The following DCLK1 variants were observed in gnomAD, a reference collection of about 807,000 sequenced individuals.
DCLK1 encodes the protein doublecortin like kinase 1.
In DCLK1, 16 loss-of-function variants were observed where a neutral mutation model predicts 86.2. The ratio of observed to expected loss-of-function variants is 0.19; its 90% CI spans 0.13 to 0.28. The LOEUF is 0.28. Ranked by LOEUF, DCLK1 falls within the 10% of genes least tolerant of loss-of-function variation. DCLK1 has a pLI of 1.00. For synonymous variants in DCLK1, 369 were observed against 370.5 expected, an observed-to-expected ratio of 1.00 and a Z score of 0.05; for missense variants, 590 against 940.2, an observed-to-expected ratio of 0.63 and a Z score of 4.87.
intron 3 of DCLK1, among the ~76,000 whole-genome samples, chr13:36,047,450 T>C (rs1373729417): frequency 1.3e-5 from 2 of 152,144 alleles, no homozygotes; most frequent in South Asian, 2.1e-4. Flanking sequence ...GATAGATACA[T>C]GGGTTAAAAA....
chr13:35,876,889 G>C (rs1872622819), intron 4 of DCLK1, among the ~76,000 whole-genome samples: 1 of 152,152 alleles, frequency 6.6e-6, no homozygotes, highest in Admixed American at 6.5e-5. Context: ...TAAGAAAGAT[G>C]ACACCGAAGG....
At chr13:35,962,375 G>A (rs1203668339) in intron 3 of DCLK1, among the ~76,000 whole-genome samples, 2 of 152,182 alleles carry the variant, frequency 1.3e-5, no homozygotes, top group Non-Finnish European at 2.9e-5. Context: ...AAAGGCAGAG[G>A]TTGGAAGATG....
intron 9 of DCLK1, among the ~76,000 whole-genome samples, chr13:35,828,018 G>A (rs976980566): frequency 3.3e-5 from 5 of 152,158 alleles, no homozygotes; most frequent in African/African-American, 1.2e-4. Context: ...ATCACATTAA[G>A]AAGGGAAGAG....
chr13:36,088,010 A>G (rs1484761701), intron 3 of DCLK1, among the ~76,000 whole-genome samples: 1 of 152,214 alleles, frequency 6.6e-6, no homozygotes, highest in Non-Finnish European at 1.5e-5. Context: ...TTTTAAAACC[A>G]TGATGTGGGA....
chr13:36,090,124 T>C (rs1884765435), intron 3 of DCLK1, among the ~76,000 whole-genome samples: 1 of 152,188 alleles, frequency 6.6e-6, no homozygotes, highest in African/African-American at 2.4e-5. Context: ...GACATAACAG[T>C]TGTAGGCTTA....
intron 3 of DCLK1, among the ~76,000 whole-genome samples, chr13:35,981,517 T>C (rs984385286): frequency 2.6e-5 from 4 of 152,124 alleles, no homozygotes; most frequent in African/African-American, 9.7e-5. Flanking sequence ...ATGGTTTACC[T>C]TAGGGTTCAC....
chr13:36,121,557 T>C (rs1463162792), intron 2 of DCLK1, among the ~76,000 whole-genome samples: 1 of 148,962 alleles, frequency 6.7e-6, no homozygotes, highest in East Asian at 2.1e-4. Context: ...AATTGTTCCA[T>C]TGTATTTGTT....
intron 8 of DCLK1, among the ~76,000 whole-genome samples, chr13:35,829,737 G>A (rs762753020): frequency 6.6e-6 from 1 of 152,100 alleles, no homozygotes; most frequent in Non-Finnish European, 1.5e-5. Flanking sequence ...TGATGACTTC[G>A]AAGCCTCTTT....
chr13:35,832,006 A>C (rs988162942), intron 8 of DCLK1, among the ~76,000 whole-genome samples: 1 of 152,196 alleles, frequency 6.6e-6, no homozygotes, highest in Non-Finnish European at 1.5e-5. Flanking sequence ...TCAAAAAAAG[A>C]AATGGGCCAG....
chr13:35,918,739 G>T (rs998439787), intron 4 of DCLK1, among the ~76,000 whole-genome samples: 3 of 151,912 alleles, frequency 2.0e-5, no homozygotes, highest in Non-Finnish European at 2.9e-5. Flanking sequence ...ATGACTGGCC[G>T]TATCTACCTC....
intron 8 of DCLK1, among the ~76,000 whole-genome samples, chr13:35,829,010 C>T: frequency 6.6e-6 from 1 of 152,108 alleles, no homozygotes; most frequent in Non-Finnish European, 1.5e-5. Context: ...TATTTCAGAG[C>T]TCCCTGGGGA....
chr13:35,927,834 A>G (rs1467797894), intron 4 of DCLK1, among the ~76,000 whole-genome samples: 2 of 152,182 alleles, frequency 1.3e-5, no homozygotes, highest in Non-Finnish European at 2.9e-5. Flanking sequence ...CACAGGGCCT[A>G]TGACGTAATC....
intron 6 of DCLK1, among the ~76,000 whole-genome samples, chr13:35,852,814 G>T (rs1439494211): frequency 3.3e-5 from 5 of 152,170 alleles, no homozygotes; most frequent in African/African-American, 9.7e-5. Context: ...AAATAAGCAA[G>T]GAGAGGAGCT....
At chr13:36,014,095 G>T (rs1881427535) in intron 3 of DCLK1, among the ~76,000 whole-genome samples, 1 of 152,174 alleles carries the variant, frequency 6.6e-6, no homozygotes, top group South Asian at 2.1e-4. Context: ...CCACTGGCCT[G>T]CGCCCACTGT....
At chr13:36,085,807 C>G (rs1308064177) in intron 3 of DCLK1, among the ~76,000 whole-genome samples, 1 of 147,976 alleles carries the variant, frequency 6.8e-6, no homozygotes, top group Non-Finnish European at 1.5e-5. Context: ...ATGGGCAGAC[C>G]AAGAGACCCC....
At chr13:35,947,606 C>T (rs1301290771) in intron 3 of DCLK1, 149 bp from the exon 4 acceptor site, 11 of 539,692 alleles carry the variant, frequency 2.0e-5, no homozygotes, top group African/African-American at 3.8e-5. Flanking sequence ...AAGAGGGGTT[C>T]GAGCATCTGT....
In DCLK1 at chr13:35,771,728, T is replaced by C. The variant is rs2086336631; in HGVS notation, c.*2807A>G. 1 of 152,156 alleles carries C rather than the reference T, an allele frequency of 6.6e-6. No individual in the cohort carries two copies. Among genetic ancestry groups the C allele is most frequent in the Non-Finnish European group, 1.5e-5 (1 of 68,034 alleles). 9.4% of individuals were successfully genotyped at this position (152,156 alleles called of 1,614,324 possible). On this transcript the variant is annotated 3_prime_UTR_variant, in exon 17 of 17. Transcript: ENST00000360631. ...CACCAGGCCACCACCATAAGAGAGCTATATTAAATACTTGGGAAAAAATAT... is the reference window on the plus strand; with the variant it reads ...CACCAGGCCACCACCATAAGAGAGCCATATTAAATACTTGGGAAAAAATAT...
At chr13:35,970,975 C>T (rs1274405021) in intron 3 of DCLK1, among the ~76,000 whole-genome samples, 1 of 152,076 alleles carries the variant, frequency 6.6e-6, no homozygotes, top group Non-Finnish European at 1.5e-5. Context: ...ATGGAAGCAG[C>T]AAAGGGCCCA....
chr13:35,976,170 G>A (rs1486637595), intron 3 of DCLK1, among the ~76,000 whole-genome samples: 3 of 152,154 alleles, frequency 2.0e-5, no homozygotes, highest in Non-Finnish European at 4.4e-5. Context: ...AAGCATTGTA[G>A]GGTGGGTTTG....
Sources: allele counts gnomAD v4.1 joint callset (sites outside exome capture counted in the v4.1 genomes callset), GRCh38; gene constraint gnomAD v4.1.1; transcripts MANE v1.5; gene names NCBI Gene and HGNC (gene_info 2026-07-23, HGNC 2026-07-21).